The following PRKD1 variants were observed in gnomAD, a reference collection of about 807,000 sequenced individuals.
PRKD1 encodes the protein protein kinase D1, also known as serine/threonine-protein kinase D1.
Under a neutral mutation model 95.9 loss-of-function variants are expected in PRKD1, and 63 were observed. The observed-to-expected ratio is 0.66, with a 90% CI of 0.54 to 0.81. The LOEUF is 0.81. Among genes scored for constraint, PRKD1 ranks in the 30% least tolerant of loss-of-function variants. PRKD1 has a pLI of 0.00. For missense variants in PRKD1, 1,048 were observed against 1,165.3 expected (o/e 0.90, Z 1.47); for synonymous variants, 425 against 423.1 (o/e 1.00, Z -0.05).
Position 29,674,898 on chromosome 14 carries a change from C to T in PRKD1, c.404-8690G>A, listed in dbSNP as rs573709387. On this transcript the variant is annotated intron_variant, in intron 2 of 17. Transcript: ENST00000331968. ...CAGGGACGAGGTTCTATGTGCTTTA[C>T]TTCAGGTTGCTTTAAGTCTCACTGT... Among the ~76,000 whole-genome samples the T allele has an allele frequency of 3.9e-5, 6 of 152,330 alleles. No homozygotes were observed. The East Asian group carries it at 5.8e-4, about 15-fold the overall frequency.
At position 29,630,944 on chromosome 14, in the gene PRKD1, A is replaced by G; in HGVS notation, c.1470T>C (p.His490=). 2 of 1,614,050 alleles carry G rather than the reference A, an allele frequency of 1.2e-6. No homozygotes were observed. Among genetic ancestry groups the G allele is most frequent in the Non-Finnish European group, 1.7e-6 (2 of 1,179,948 alleles). Residue 490 remains histidine, a synonymous_variant, in exon 10 of 18, where the codon CAT becomes CAC. Transcript: ENST00000331968. Reference sequence around the variant, plus strand: ...CATTTGCCGTAGTGATTTCGAAACAATGAGGATTGGCCCCATTAGGAATTA... The same window carrying G: ...CATTTGCCGTAGTGATTTCGAAACAGTGAGGATTGGCCCCATTAGGAATTA... ...SALIPNGANP[H]CFEITTANVV... is the part of the protein sequence containing the mutation.
chr14:29,654,762 C>G (rs544999124), intron 4 of PRKD1, among the ~76,000 whole-genome samples: 1 of 152,248 alleles, frequency 6.6e-6, no homozygotes, highest in East Asian at 1.9e-4. Context: ...GTAAACTGAC[C>G]AGGACATGCT....
intron 1 of PRKD1, among the ~76,000 whole-genome samples, chr14:29,838,244 G>A (rs1891687355): frequency 6.6e-6 from 1 of 151,992 alleles, no homozygotes; most frequent in Non-Finnish European, 1.5e-5. Flanking sequence ...TTAAATACAT[G>A]AGCATAGGGT....
intron 2 of PRKD1, among the ~76,000 whole-genome samples, chr14:29,723,964 G>C (rs34460932): frequency 6.6e-6 from 1 of 152,024 alleles, no homozygotes; most frequent in Admixed American, 6.6e-5. Context: ...TAGGGCATAC[G>C]CACAATGAAG....
At chr14:29,885,380 T>C (rs1028603499) in intron 1 of PRKD1, among the ~76,000 whole-genome samples, 9 of 152,124 alleles carry the variant, frequency 5.9e-5, no homozygotes, top group African/African-American at 1.9e-4. Context: ...AACAGTGCAA[T>C]TCTTTTGACA....
At chr14:29,590,407 G>A (rs917282653) in intron 16 of PRKD1, among the ~76,000 whole-genome samples, 2 of 152,126 alleles carry the variant, frequency 1.3e-5, no homozygotes, top group Non-Finnish European at 2.9e-5. Flanking sequence ...GTTAAGCTTT[G>A]ATGGTCAAAT....
intron 1 of PRKD1, among the ~76,000 whole-genome samples, chr14:29,909,506 G>A (rs1255758901): frequency 1.3e-5 from 2 of 152,174 alleles, no homozygotes; most frequent in Non-Finnish European, 2.9e-5. Flanking sequence ...GAACCTTTAT[G>A]TCTAGCTAAG....
chr14:29,787,154 TA>T (rs1475479979), intron 1 of PRKD1, among the ~76,000 whole-genome samples: 1 of 151,858 alleles, frequency 6.6e-6, no homozygotes, highest in Non-Finnish European at 1.5e-5. Context: ...TGCCTCTTGG[TA>T]TTGATTTCTA....
intron 1 of PRKD1, among the ~76,000 whole-genome samples, chr14:29,871,008 G>C (rs1893086194): frequency 6.6e-6 from 1 of 152,136 alleles, no homozygotes. Context: ...CAAACACTTA[G>C]AGGTGCTAAT....
intron 2 of PRKD1, among the ~76,000 whole-genome samples, chr14:29,697,959 A>C (rs1884623018): frequency 6.6e-6 from 1 of 152,198 alleles, no homozygotes; most frequent in Non-Finnish European, 1.5e-5. Context: ...TTTCTAAAGT[A>C]ACTTGAGGTC....
intron 1 of PRKD1, among the ~76,000 whole-genome samples, chr14:29,790,314 C>A (rs753392541): frequency 1.3e-5 from 2 of 151,960 alleles, no homozygotes; most frequent in Admixed American, 6.6e-5. Flanking sequence ...TGAGCCACCA[C>A]GCCCACAGTC....
At chr14:29,865,291 G>A (rs140222763) in intron 1 of PRKD1, among the ~76,000 whole-genome samples, 120 of 152,264 alleles carry the variant, frequency 7.9e-4, no homozygotes, top group African/African-American at 2.5e-3. Flanking sequence ...ATAAACAGCC[G>A]TTAAATAAAT....
intron 1 of PRKD1, among the ~76,000 whole-genome samples, chr14:29,826,653 G>GTA (rs1195042163): frequency 3.0e-5 from 1 of 32,942 alleles, no homozygotes; most frequent in Non-Finnish European, 5.2e-5. Flanking sequence ...GTATATATAT[G>GTA]TGTGTGTGTG....
intron 4 of PRKD1, among the ~76,000 whole-genome samples, chr14:29,656,800 G>T (rs907411441): frequency 1.3e-5 from 2 of 152,190 alleles, no homozygotes; most frequent in Non-Finnish European, 1.5e-5. Context: ...TGGTCTCAGT[G>T]ATGAACGATG....
At chr14:29,797,952 T>A (rs1463416270) in intron 1 of PRKD1, among the ~76,000 whole-genome samples, 1 of 152,186 alleles carries the variant, frequency 6.6e-6, no homozygotes, top group African/African-American at 2.4e-5. Flanking sequence ...TATATACCAG[T>A]AATTCAATCA....
intron 1 of PRKD1, among the ~76,000 whole-genome samples, chr14:29,920,965 C>T (rs1895079805): frequency 6.6e-6 from 1 of 152,208 alleles, no homozygotes; most frequent in African/African-American, 2.4e-5. Context: ...CAAGCACCTT[C>T]CTTCTCATGT....
At chr14:29,585,671 G>A (rs990856054) in intron 16 of PRKD1, among the ~76,000 whole-genome samples, 3 of 152,142 alleles carry the variant, frequency 2.0e-5, no homozygotes, top group African/African-American at 7.2e-5. Context: ...GGATGGTAGA[G>A]CATCACAACC....
At chr14:29,595,203 C>T (rs1893257726) in intron 16 of PRKD1, among the ~76,000 whole-genome samples, 1 of 152,124 alleles carries the variant, frequency 6.6e-6, no homozygotes, top group Non-Finnish European at 1.5e-5. Context: ...ATGTGTACTT[C>T]CTAGTCAAAT....
At chr14:29,824,340 G>A (rs950528370) in intron 1 of PRKD1, among the ~76,000 whole-genome samples, 2 of 152,040 alleles carry the variant, frequency 1.3e-5, no homozygotes, top group Non-Finnish European at 2.9e-5. Context: ...GAAAATTAGA[G>A]GTAAGAACTA....
Sources: gnomAD v4.1 joint callset for allele counts (sites outside exome capture counted in the v4.1 genomes callset) on GRCh38, gnomAD v4.1.1 for gene constraint, MANE v1.5 for transcripts, NCBI Gene and HGNC (gene_info 2026-07-23, HGNC 2026-07-21) for gene names.